The following ARHGAP26 variants were observed in gnomAD, a reference collection of about 807,000 sequenced individuals.
ARHGAP26 encodes the protein Rho GTPase activating protein 26.
Under a neutral mutation model 104.8 loss-of-function variants are expected in ARHGAP26, and 38 were observed. The ratio of observed to expected loss-of-function variants is 0.36; its 90% CI spans 0.28 to 0.48. The LOEUF is 0.48. Among genes scored for constraint, ARHGAP26 ranks in the 20% least tolerant of loss-of-function variants. The pLI, the probability that ARHGAP26 is intolerant of heterozygous loss-of-function variation, is 0.99. For missense variants in ARHGAP26, 704 were observed against 947.9 expected, an observed-to-expected ratio of 0.74 and a Z score of 3.38; for synonymous variants, 341 against 340.0, an observed-to-expected ratio of 1.00 and a Z score of -0.03.
Position 143,016,073 on chromosome 5 carries a change from T to C in ARHGAP26, c.1144+1957T>C, listed in dbSNP as rs539359612. Among the ~76,000 whole-genome samples, 4 of 152,008 alleles carry C rather than the reference T, an allele frequency of 2.6e-5. No individual in the cohort carries two copies. The South Asian group carries it at 8.3e-4, about 32-fold the overall frequency. On this transcript the variant is annotated intron_variant, in intron 12 of 22. Transcript: ENST00000645722. ...GACAATCTAAATACCAAATAGGGAG[T>C]TGGCTAAATAAATTAAGGAGTAATA... is the stretch of plus-strand genomic sequence containing the variant.
chr5:142,812,046 G>A (rs1764175712), intron 1 of ARHGAP26, among the ~76,000 whole-genome samples: 1 of 152,064 alleles, frequency 6.6e-6, no homozygotes, highest in Non-Finnish European at 1.5e-5. Flanking sequence ...CTCATCTCCT[G>A]GATGACGTTT....
At chr5:143,218,813 C>T (rs945999825) in intron 22 of ARHGAP26, among the ~76,000 whole-genome samples, 6 of 152,212 alleles carry the variant, frequency 3.9e-5, no homozygotes, top group African/African-American at 1.2e-4. Flanking sequence ...ATGTTCAGAG[C>T]ATTGGGCTAG....
intron 11 of ARHGAP26, among the ~76,000 whole-genome samples, chr5:143,012,576 T>TACATATATATATATATATATA (rs1554195628): frequency 3.5e-5 from 2 of 57,038 alleles, no homozygotes; most frequent in Non-Finnish European, 5.2e-5. Flanking sequence ...TATATATATA[T>TACATATATATATATATATATA]TATGATCAGG....
At chr5:142,927,706 A>G (rs1382882191) in intron 10 of ARHGAP26, among the ~76,000 whole-genome samples, 1 of 152,198 alleles carries the variant, frequency 6.6e-6, no homozygotes, top group Non-Finnish European at 1.5e-5. Context: ...TAGAATTGCT[A>G]GGTCATAGGG....
intron 1 of ARHGAP26, among the ~76,000 whole-genome samples, chr5:142,814,683 C>T (rs894132708): frequency 9.9e-5 from 15 of 152,100 alleles, no homozygotes; most frequent in African/African-American, 2.9e-4. Context: ...GTACAGGCTC[C>T]GGAGTCCCAC....
At chr5:143,211,577 AC>A (rs1809471780) in intron 21 of ARHGAP26, among the ~76,000 whole-genome samples, 2 of 135,936 alleles carry the variant, frequency 1.5e-5, no homozygotes, top group African/African-American at 5.5e-5. Flanking sequence ...TTACCTACTT[AC>A]TTTTTTTTTT....
chr5:143,092,223 G>C (rs1791552300), intron 17 of ARHGAP26, among the ~76,000 whole-genome samples: 1 of 148,696 alleles, frequency 6.7e-6, no homozygotes, highest in Admixed American at 6.7e-5. Flanking sequence ...GAGTGCAGTG[G>C]CACGATCTCG....
intron 14 of ARHGAP26, among the ~76,000 whole-genome samples, chr5:143,053,327 C>T (rs952431808): frequency 1.3e-5 from 2 of 152,084 alleles, no homozygotes; most frequent in African/African-American, 2.4e-5. Flanking sequence ...AAGGGTTGCT[C>T]TCCAACTCAA....
intron 1 of ARHGAP26, among the ~76,000 whole-genome samples, chr5:142,787,591 G>A (rs1758926317): frequency 6.6e-6 from 1 of 152,180 alleles, no homozygotes; most frequent in African/African-American, 2.4e-5. Context: ...GACAAAGCCA[G>A]CAACACCAAA....
chr5:142,865,932 A>G (rs959614318), intron 1 of ARHGAP26, among the ~76,000 whole-genome samples: 5 of 152,034 alleles, frequency 3.3e-5, no homozygotes, highest in Admixed American at 1.3e-4. Flanking sequence ...CCACTTCTAT[A>G]GCATCTTCCC....
chr5:143,175,847 C>A (rs1309168935), intron 20 of ARHGAP26, among the ~76,000 whole-genome samples: 1 of 152,202 alleles, frequency 6.6e-6, no homozygotes, highest in Non-Finnish European at 1.5e-5. Context: ...GGCACAGTGG[C>A]TCACGCCTGT....
intron 11 of ARHGAP26, among the ~76,000 whole-genome samples, chr5:143,011,992 TATC>T (rs566286307): frequency 1.2e-4 from 18 of 152,338 alleles, no homozygotes; most frequent in Admixed American, 1.2e-3. Flanking sequence ...CAGAAAAACC[TATC>T]ATCGCCCACA....
chr5:142,809,736 A>G (rs974076051), intron 1 of ARHGAP26, among the ~76,000 whole-genome samples: 1 of 152,314 alleles, frequency 6.6e-6, no homozygotes. Context: ...CCACTCCTTC[A>G]TTCATCTGTC....
At chr5:143,008,131 G>T (rs1462685756) in intron 11 of ARHGAP26, among the ~76,000 whole-genome samples, 2 of 152,208 alleles carry the variant, frequency 1.3e-5, no homozygotes, top group Admixed American at 1.3e-4. Context: ...ATAGGCCATA[G>T]AATTTACATT....
chr5:142,940,943 C>T (rs1287303453), intron 11 of ARHGAP26, among the ~76,000 whole-genome samples: 1 of 151,404 alleles, frequency 6.6e-6, no homozygotes, highest in Non-Finnish European at 1.5e-5. Context: ...GGCATGGTGG[C>T]GGGTGCCTGT....
chr5:142,810,836 G>A (rs10054044), intron 1 of ARHGAP26, among the ~76,000 whole-genome samples: 6,892 of 152,234 alleles, frequency 0.045, 524 homozygotes, highest in African/African-American at 0.16. Flanking sequence ...AACCATAAGC[G>A]TTGATATGTA....
intron 22 of ARHGAP26, among the ~76,000 whole-genome samples, chr5:143,219,693 A>T (rs1471382118): frequency 6.6e-6 from 1 of 152,214 alleles, no homozygotes; most frequent in Non-Finnish European, 1.5e-5. Context: ...TTTGCATTTT[A>T]TCTCAGAGGC....
At chr5:142,975,970 A>G (rs1160401584) in intron 11 of ARHGAP26, among the ~76,000 whole-genome samples, 3 of 152,236 alleles carry the variant, frequency 2.0e-5, no homozygotes, top group Non-Finnish European at 4.4e-5. Flanking sequence ...CGTATGGAGG[A>G]AAAACTCTCC....
intron 10 of ARHGAP26, among the ~76,000 whole-genome samples, chr5:142,918,299 AC>A (rs1762763484): frequency 6.6e-6 from 1 of 151,960 alleles, no homozygotes; most frequent in South Asian, 2.1e-4. Flanking sequence ...GGCATGCACC[AC>A]CCCGTCTGGC....
Sources: gnomAD v4.1 joint callset for allele counts (sites outside exome capture counted in the v4.1 genomes callset) on GRCh38, gnomAD v4.1.1 for gene constraint, MANE v1.5 for transcripts, NCBI Gene and HGNC (gene_info 2026-07-23, HGNC 2026-07-21) for gene names.